TMEM74: variants seen among roughly 807,000 people sequenced by gnomAD.
TMEM74 encodes the protein transmembrane protein 74.
Under a neutral mutation model 18.1 loss-of-function variants are expected in TMEM74, and 13 were observed. The ratio of observed to expected loss-of-function variants is 0.72; its 90% CI spans 0.47 to 1.14. The LOEUF (loss-of-function observed/expected upper bound fraction) is 1.14, where lower values mean the gene tolerates loss of function less well. TMEM74 is among the 50% of genes most tolerant of loss of function. TMEM74 has a pLI of 0.00. For synonymous variants in TMEM74, 159 were observed against 146.6 expected (o/e 1.08, Z -0.61); for missense variants, 372 against 375.9 (o/e 0.99, Z 0.09).
chr8:108,611,161 A>G (rs1812330210), intron 2 of TMEM74, among the ~76,000 whole-genome samples: 1 of 152,212 alleles, frequency 6.6e-6, no homozygotes, highest in South Asian at 2.1e-4. Flanking sequence ...ATTTTCATTT[A>G]AACATGAAGT....
intron 1 of TMEM74, among the ~76,000 whole-genome samples, chr8:108,674,901 A>C (rs1304371260): frequency 6.6e-6 from 1 of 152,166 alleles, no homozygotes; most frequent in Non-Finnish European, 1.5e-5. Flanking sequence ...CATGTCACTC[A>C]AATATCTCAG....
Position 108,756,621 on chromosome 8 carries a change from AGG to A in TMEM74, n.119+30853_119+30854del, listed in dbSNP as rs1563543663. On this transcript the variant is annotated intron_variant and non_coding_transcript_variant, in intron 1 of 3. Transcript: ENST00000518838. ...GAGAAAGGAAGGAAGGAAGGAAGGA[AGG>A]AAGGAAGGAAGGAAGGAAGAAAGAA... 7.4e-4 allele frequency among the ~76,000 whole-genome samples: 70 copies of A among 94,994 alleles called. 1 individual carries two copies. Among genetic ancestry groups the A allele is most frequent in the African/African-American group, 3.1e-3 (68 of 21,712 alleles). The allele number at this position is 94,994 out of a possible 152,430, so 62.3% of individuals were successfully genotyped here.
intron 1 of TMEM74, among the ~76,000 whole-genome samples, chr8:108,769,233 G>A (rs1173783948): frequency 6.6e-6 from 1 of 151,832 alleles, no homozygotes; most frequent in South Asian, 2.1e-4. Context: ...GAGGCTGAGG[G>A]ACGAGAATTG....
intron 1 of TMEM74, among the ~76,000 whole-genome samples, chr8:108,700,168 T>TGTGTGTGTGTGTGTG (rs1813321732): frequency 6.7e-6 from 1 of 150,234 alleles, no homozygotes; most frequent in African/African-American, 2.5e-5. Flanking sequence ...TGTGTGTGTG[T>TGTGTGTGTGTGTGTG]TCATTGTGGG....
At chr8:108,618,248 C>T (rs1407039043) in intron 2 of TMEM74, among the ~76,000 whole-genome samples, 2 of 152,044 alleles carry the variant, frequency 1.3e-5, no homozygotes, top group African/African-American at 4.8e-5. Flanking sequence ...GATTCTAGTG[C>T]TGAAATATTT....
intron 1 of TMEM74, among the ~76,000 whole-genome samples, chr8:108,675,767 A>G (rs1813050397): frequency 6.6e-6 from 1 of 152,278 alleles, no homozygotes; most frequent in South Asian, 2.1e-4. Flanking sequence ...AATGCTGAGT[A>G]TGCTTACACT....
intron 2 of TMEM74, among the ~76,000 whole-genome samples, chr8:108,645,155 T>C (rs2130565607): frequency 1.3e-5 from 2 of 152,222 alleles, no homozygotes; most frequent in South Asian, 2.1e-4. Flanking sequence ...ATATACACCA[T>C]GGAATACTAC....
intron 2 of TMEM74, among the ~76,000 whole-genome samples, chr8:108,638,238 T>G (rs1452662207): frequency 6.6e-6 from 1 of 152,178 alleles, no homozygotes; most frequent in African/African-American, 2.4e-5. Flanking sequence ...AATGAGAATT[T>G]GCTTTTGTAA....
Position 108,697,521 on chromosome 8 carries a change from A to G in TMEM74, n.120-42084T>C, listed in dbSNP as rs182031575. Among the ~76,000 whole-genome samples, 80 of 152,000 alleles carry G rather than the reference A, an allele frequency of 5.3e-4. 1 individual carries two copies. Among genetic ancestry groups the G allele is most frequent in the Admixed American group, 1.5e-3 (23 of 15,252 alleles). On this transcript the variant is annotated intron_variant and non_coding_transcript_variant, in intron 1 of 3. Transcript: ENST00000518838. ...AGCCTTGACCTCCTGGGCTCAAGCA[A>G]CCCTCCCCTCCTCAGTCTCCTATGT...
In TMEM74 at chr8:108,784,156, ACT is replaced by A; in HGVS notation, c.*23_*24del. On this transcript the variant is annotated 3_prime_UTR_variant, in exon 2 of 2. Coordinates refer to ENST00000297459, the MANE Select transcript of TMEM74 (RefSeq NM_153015.3). ...TTCATATTATAAAATGCCAAGGCAG[ACT>A]CTCAAGATATTCACAACCAGAATTA... The A allele has an allele frequency of 6.6e-7, 1 of 1,508,900 alleles. No homozygotes were observed. The highest frequency in any genetic ancestry group is 8.9e-7 in the Non-Finnish European group (1 of 1,120,394). 93.5% of individuals were successfully genotyped at this position (1,508,900 alleles called of 1,614,324 possible). A position where few individuals can be genotyped will look rare whatever the true frequency, so the allele number is the denominator to read the frequency against.
chr8:108,666,728 G>A lies in TMEM74; in HGVS notation n.120-11291C>T, dbSNP rs550447716. Among the ~76,000 whole-genome samples the A allele has an allele frequency of 7.2e-5, 11 of 152,142 alleles. 1 individual carries two copies. In the South Asian group the frequency reaches 2.3e-3, roughly 32 times the overall value. On this transcript the variant is annotated intron_variant and non_coding_transcript_variant, in intron 1 of 3. Coordinates refer to the TMEM74 transcript ENST00000518838. ...TAATGTGGTCACATCCCATCTCTTG[G>A]CCCAGATTTAAGAGCATTGGGGTTT...
chr8:108,608,838 A>G (rs1812305262), intron 2 of TMEM74: 1 of 152,198 alleles, frequency 6.6e-6, no homozygotes, highest in Non-Finnish European at 1.5e-5. Flanking sequence ...TGGATATGGA[A>G]TGAATCAGAA....
At chr8:108,629,619 G>C (rs573659723) in intron 2 of TMEM74, among the ~76,000 whole-genome samples, 1 of 152,208 alleles carries the variant, frequency 6.6e-6, no homozygotes, top group African/African-American at 2.4e-5. Context: ...AAGCCCATCA[G>C]ACTGAGAGTG....
intron 1 of TMEM74, among the ~76,000 whole-genome samples, chr8:108,660,808 A>G (rs545439246): frequency 1.8e-4 from 27 of 152,196 alleles, no homozygotes; most frequent in African/African-American, 6.5e-4. Context: ...GTTCACTGGG[A>G]GAAGAGAACA....
intron 1 of TMEM74, among the ~76,000 whole-genome samples, chr8:108,746,337 G>A (rs1398213772): frequency 1.3e-5 from 2 of 151,968 alleles, no homozygotes; most frequent in East Asian, 3.9e-4. Context: ...AAGCATCTTG[G>A]TTTTCCCTAG....
At chr8:108,681,276 G>A (rs1252436469) in intron 1 of TMEM74, among the ~76,000 whole-genome samples, 1 of 152,068 alleles carries the variant, frequency 6.6e-6, no homozygotes, top group South Asian at 2.1e-4. Flanking sequence ...ATACTACAAG[G>A]CTACAGTAAC....
chr8:108,690,726 G>T (rs1038484440), intron 1 of TMEM74, among the ~76,000 whole-genome samples: 1 of 152,116 alleles, frequency 6.6e-6, no homozygotes, highest in Non-Finnish European at 1.5e-5. Context: ...GGAGGCTGAG[G>T]CAGGAGAATG....
chr8:108,621,741 A>G (rs1352262994), intron 2 of TMEM74, among the ~76,000 whole-genome samples: 1 of 152,110 alleles, frequency 6.6e-6, no homozygotes, highest in African/African-American at 2.4e-5. Context: ...CTTTGTTACT[A>G]GTTGGGTGAA....
intron 1 of TMEM74, among the ~76,000 whole-genome samples, chr8:108,706,231 C>G (rs1813395027): frequency 6.6e-6 from 1 of 152,162 alleles, no homozygotes; most frequent in Non-Finnish European, 1.5e-5. Flanking sequence ...TTTCTAATAA[C>G]TACGTTTTAG....
Sources: gnomAD v4.1 joint callset for allele counts (sites outside exome capture counted in the v4.1 genomes callset) on GRCh38, gnomAD v4.1.1 for gene constraint, MANE v1.5 for transcripts, NCBI Gene and HGNC (gene_info 2026-07-23, HGNC 2026-07-21) for gene names.